MED15: variants seen among roughly 807,000 people sequenced by gnomAD.
MED15 encodes the protein mediator complex subunit 15, also known as mediator of RNA polymerase II transcription subunit 15.
A neutral mutation model predicts 118.7 loss-of-function variants in MED15; 41 were observed. The observed-to-expected ratio is 0.35, with a 90% confidence interval of 0.27 to 0.45. The LOEUF is 0.45. Among genes scored for constraint, MED15 ranks in the 20% least tolerant of loss-of-function variants. The probability of loss-of-function intolerance (pLI) is 1.00; values close to 1 mark genes in which losing one functional copy is unlikely to be tolerated. For missense variants in MED15, 740 were observed against 1,025.5 expected, an observed-to-expected ratio of 0.72 and a Z score of 3.80; for synonymous variants, 436 against 413.9, an observed-to-expected ratio of 1.05 and a Z score of -0.65.
At chr22:20,538,904 T>C (rs980660635) in intron 2 of MED15, among the ~76,000 whole-genome samples, 1 of 152,090 alleles carries the variant, frequency 6.6e-6, no homozygotes, top group Admixed American at 6.5e-5. Context: ...TTTCATCATG[T>C]TGGCCAGGCT....
At chr22:20,517,801 C>T (rs570033766) in intron 1 of MED15, among the ~76,000 whole-genome samples, 21 of 152,094 alleles carry the variant, frequency 1.4e-4, no homozygotes, top group Non-Finnish European at 2.4e-4. Context: ...GCAGAAACAC[C>T]ACAGGAAGAT....
At position 20,517,152 on chromosome 22, in the gene MED15, G is replaced by A. The variant is rs2054283451; in HGVS notation, c.68+9406G>A. Among the ~76,000 whole-genome samples the A allele has an allele frequency of 1.3e-5, 2 of 151,408 alleles. 1 individual carries two copies. Among genetic ancestry groups the A allele is most frequent in the Non-Finnish European group, 2.9e-5 (2 of 67,910 alleles). On this transcript the variant is annotated intron_variant, in intron 1 of 17. Coordinates refer to ENST00000263205, the MANE Select transcript of MED15 (RefSeq NM_001003891.3). ...CAGGTCTTGGTTTGTTGCCCAGGCT[G>A]GTCTTGAACTCTTGGCCTCAAGTGA...
chr22:20,570,746 CTTTTTTTTTT>C (rs61109389), intron 8 of MED15, among the ~76,000 whole-genome samples: 370 of 62,100 alleles, frequency 6.0e-3, no homozygotes, highest in African/African-American at 0.025. Context: ...TTCTTTCTTT[CTTTTTTTTTT>C]TTTTTTTTTT....
At chr22:20,559,166 G>T (rs893529639) in intron 5 of MED15, among the ~76,000 whole-genome samples, 30 of 152,002 alleles carry the variant, frequency 2.0e-4, no homozygotes, top group African/African-American at 6.0e-4. Flanking sequence ...TGAAAAAATA[G>T]AAAACAAAAA....
rs1001860164 is a variant in MED15, at chr22:20,565,993, G to C, written c.691-474G>C. ...TTCTGTGGGAGATGTGCCCCTCCCC[G>C]TGTGAGTGAGAGGTCAGCCTGTCAG... is the stretch of plus-strand genomic sequence containing the variant. On this transcript the variant is annotated intron_variant, in intron 6 of 17. Coordinates refer to ENST00000263205, the MANE Select transcript of MED15 (RefSeq NM_001003891.3). Among the ~76,000 whole-genome samples the C allele has an allele frequency of 1.7e-4, 26 of 150,718 alleles. 1 individual carries two copies. Among genetic ancestry groups the C allele is most frequent in the African/African-American group, 6.4e-4 (26 of 40,912 alleles).
chr22:20,534,926 C>T (rs760744540), intron 1 of MED15, among the ~76,000 whole-genome samples: 5 of 152,118 alleles, frequency 3.3e-5, no homozygotes, highest in Non-Finnish European at 7.3e-5. Flanking sequence ...GCTGCCTCCT[C>T]GCCTCCCTTC....
chr22:20,583,836 G>T, intron 13 of MED15: 1 of 236,402 alleles, frequency 4.2e-6, no homozygotes, highest in Non-Finnish European at 8.5e-6. Flanking sequence ...CTGGTGAGAA[G>T]CAGGTGGAAG....
chr22:20,547,296 TTTTCTC>T (rs1388325774), intron 2 of MED15, among the ~76,000 whole-genome samples: 1 of 152,240 alleles, frequency 6.6e-6, no homozygotes, highest in African/African-American at 2.4e-5. Flanking sequence ...AAAAGATTTC[TTTTCTC>T]TATATGATTC....
At chr22:20,549,301 G>A (rs2055680261) in intron 2 of MED15, among the ~76,000 whole-genome samples, 2 of 152,204 alleles carry the variant, frequency 1.3e-5, no homozygotes, top group Admixed American at 6.5e-5. Context: ...TCAGCCTCAG[G>A]TACAGCTGGA....
chr22:20,544,819 TC>T (rs1234584121), intron 2 of MED15, among the ~76,000 whole-genome samples: 2 of 152,202 alleles, frequency 1.3e-5, no homozygotes, highest in Non-Finnish European at 2.9e-5. Flanking sequence ...CTGCTGGTAC[TC>T]CTTGGCTTGT....
chr22:20,572,220 G>GA (rs1490513860), intron 8 of MED15, among the ~76,000 whole-genome samples: 1 of 152,248 alleles, frequency 6.6e-6, no homozygotes, highest in East Asian at 1.9e-4. Context: ...CAGGAGGTCA[G>GA]AGATGCAGAT....
At chr22:20,570,776 T>TTTTTG in intron 8 of MED15, among the ~76,000 whole-genome samples, 2 of 113,502 alleles carry the variant, frequency 1.8e-5, no homozygotes, top group Non-Finnish European at 3.7e-5. Context: ...TTTTTTTTTT[T>TTTTTG]GACAGAGTCT....
At chr22:20,570,337 C>A (rs983377567) in intron 8 of MED15, among the ~76,000 whole-genome samples, 1 of 151,642 alleles carries the variant, frequency 6.6e-6, no homozygotes, top group African/African-American at 2.4e-5. Context: ...ACTTCTGTAC[C>A]GCAGGTCAAG....
chr22:20,556,846 A>G lies in MED15; in HGVS notation c.451+1698A>G, dbSNP rs181167858. 1.1e-3 allele frequency among the ~76,000 whole-genome samples: 170 copies of G among 152,316 alleles called. 1 individual carries two copies. Among genetic ancestry groups the G allele is most frequent in the Non-Finnish European group, 1.7e-3 (119 of 68,022 alleles). Reference sequence around the variant, plus strand: ...TTCTGTCCCTTTGTGAATGTTGTATAAATGGAATCATACCATATGTGACTT... The same window carrying G: ...TTCTGTCCCTTTGTGAATGTTGTATGAATGGAATCATACCATATGTGACTT... On this transcript the variant is annotated intron_variant, in intron 5 of 17. Coordinates refer to ENST00000263205, the MANE Select transcript of MED15 (RefSeq NM_001003891.3).
chr22:20,567,989 A>C (rs1215589564), intron 7 of MED15, among the ~76,000 whole-genome samples: 1 of 152,132 alleles, frequency 6.6e-6, no homozygotes, highest in Non-Finnish European at 1.5e-5. Context: ...GCAGGTGTGC[A>C]TCCCCACACC....
intron 8 of MED15, chr22:20,574,732 G>C (rs1225356240): frequency 5.3e-6 from 1 of 188,420 alleles, no homozygotes; most frequent in African/African-American, 2.3e-5. Flanking sequence ...CTGTCCCCAG[G>C]AGCCTGGTCT....
chr22:20,556,030 C>T (rs1449904175), intron 5 of MED15, among the ~76,000 whole-genome samples: 1 of 152,130 alleles, frequency 6.6e-6, no homozygotes, highest in Admixed American at 6.5e-5. Flanking sequence ...CCCTTAGGAC[C>T]TATCTTGATG....
intron 1 of MED15, among the ~76,000 whole-genome samples, chr22:20,530,914 G>C (rs777709345): frequency 6.6e-5 from 10 of 152,162 alleles, no homozygotes; most frequent in Non-Finnish European, 1.5e-4. Context: ...GAGGTGTTTT[G>C]GGATGCATCC....
rs375481710 is a variant in MED15, at chr22:20,582,741, A to T, written c.1403A>T (p.Asn468Ile). ...PGQPSSQPNS[N>I]VSSGPAPSPS... ...CAGCCCAGCTCACAGCCCAACTCCA[A>T]CGTCAGGTAGGCCTGGCCTGGGGTG... Residue 468 changes from asparagine (N) to isoleucine (I), a missense_variant, in exon 10 of 18, where the codon AAC becomes ATC. Coordinates refer to ENST00000263205, the MANE Select transcript of MED15 (RefSeq NM_001003891.3). 1.9e-6 allele frequency: 3 copies of T among 1,588,308 alleles called. No homozygotes were observed. Among genetic ancestry groups the T allele is most frequent in the African/African-American group, 2.7e-5 (2 of 74,228 alleles).
Sources: allele counts gnomAD v4.1 joint callset (sites outside exome capture counted in the v4.1 genomes callset), GRCh38; gene constraint gnomAD v4.1.1; transcripts MANE v1.5; gene names NCBI Gene and HGNC (gene_info 2026-07-23, HGNC 2026-07-21).